TOGARAM1: variants seen among roughly 807,000 people sequenced by gnomAD.
TOGARAM1 encodes the protein TOG array regulator of axonemal microtubules protein 1.
A neutral mutation model predicts 166.6 loss-of-function variants in TOGARAM1; 100 were observed. That is an observed-to-expected ratio of 0.60 (90% CI 0.51 to 0.71). The LOEUF is 0.71. Among genes scored for constraint, TOGARAM1 ranks in the 30% least tolerant of loss-of-function variants. TOGARAM1 has a pLI of 0.00. For synonymous variants in TOGARAM1, 758 were observed against 763.8 expected (o/e 0.99, Z 0.13); for missense variants, 2,029 against 2,102.7 (o/e 0.96, Z 0.69).
At chr14:44,969,163 C>T (rs201587443) in intron 1 of TOGARAM1, among the ~76,000 whole-genome samples, 8 of 123,238 alleles carry the variant, frequency 6.5e-5, no homozygotes, top group African/African-American at 7.8e-5. Context: ...TCTTTCTTTT[C>T]TTTCTTTTCT....
chr14:45,039,304 C>T (rs190000510), intron 11 of TOGARAM1, among the ~76,000 whole-genome samples: 5 of 152,182 alleles, frequency 3.3e-5, no homozygotes, highest in East Asian at 1.9e-4. Context: ...TTGATTGGTC[C>T]GTGGGCAGGC....
intron 1 of TOGARAM1, among the ~76,000 whole-genome samples, chr14:44,987,764 C>A (rs1159596472): frequency 1.3e-5 from 2 of 149,230 alleles, no homozygotes; most frequent in Admixed American, 1.3e-4. Flanking sequence ...GGTATATACC[C>A]AAAGGACTAT....
chr14:45,052,724 T>G (rs1417971544), intron 15 of TOGARAM1, among the ~76,000 whole-genome samples, 162 bp downstream of exon 15: 1 of 152,198 alleles, frequency 6.6e-6, no homozygotes, highest in Non-Finnish European at 1.5e-5. Flanking sequence ...CAATACTAAG[T>G]AGACATACAT....
At chr14:44,982,137 C>G (rs1409950920) in intron 1 of TOGARAM1, among the ~76,000 whole-genome samples, 1 of 152,170 alleles carries the variant, frequency 6.6e-6, no homozygotes, top group African/African-American at 2.4e-5. Context: ...AGCCACTGCA[C>G]CTAGCCTGAA....
intron 7 of TOGARAM1, among the ~76,000 whole-genome samples, chr14:45,019,610 G>A (rs1290154368): frequency 1.3e-5 from 2 of 152,118 alleles, no homozygotes; most frequent in African/African-American, 2.4e-5. Context: ...CTCCTGCTGT[G>A]CTCTCAGGCG....
intron 16 of TOGARAM1, among the ~76,000 whole-genome samples, chr14:45,055,673 G>T (rs565531197): frequency 9.3e-4 from 142 of 151,936 alleles, no homozygotes; most frequent in African/African-American, 3.3e-3. Flanking sequence ...GCATGGTGGA[G>T]GGTGCCTGTA....
rs1882083452 is a variant in TOGARAM1 at position 45,046,687 on chromosome 14, A to G, written c.4297A>G (p.Ser1433Gly). The G allele has an allele frequency of 7.7e-7, 1 of 1,291,760 alleles. No homozygotes were observed. The allele number at this position is 1,291,760 out of a possible 1,614,324, so 80.0% of individuals were successfully genotyped here. The change falls in exon 14 of 20, where the codon AGT becomes GGT. Residue 1433 changes from serine (S) to glycine (G), a missense_variant. By Grantham distance (56) the Ser-to-Gly change is moderately conservative. Around this residue, in one of 2 missense-constraint regions of TOGARAM1, gnomAD observed 576 missense variants for 670.5 expected, o/e 0.86. Coordinates refer to ENST00000361462, the MANE Select transcript of TOGARAM1 (RefSeq NM_001308120.2). ...LPAAAKFAQDSSQETRYYGRK... is the reference protein window; with the variant it reads ...LPAAAKFAQDGSQETRYYGRK... ...AGCTGCTGCTAAGTTTGCTCAAGAC[A>G]GTTCACAAGAAACCAGGTGAATATC...
intron 7 of TOGARAM1, among the ~76,000 whole-genome samples, chr14:45,022,554 G>A (rs1371832442): frequency 6.6e-6 from 1 of 151,480 alleles, no homozygotes; most frequent in African/African-American, 2.4e-5. Flanking sequence ...GTTTGGTGAA[G>A]GGTTTTAAGT....
intron 16 of TOGARAM1, 82 bp downstream of exon 16, chr14:45,054,631 C>T: frequency 9.6e-7 from 1 of 1,038,834 alleles, no homozygotes; most frequent in Non-Finnish European, 1.4e-6. Flanking sequence ...TAAACTACCC[C>T]AGGGGTATTT....
intron 2 of TOGARAM1, among the ~76,000 whole-genome samples, chr14:44,998,956 A>T (rs1263564300): frequency 6.6e-6 from 1 of 152,224 alleles, no homozygotes; most frequent in African/African-American, 2.4e-5. Context: ...GTGAGCCAAG[A>T]TCACACCACT....
chr14:45,060,977 T>C (rs2138992028), intron 16 of TOGARAM1, among the ~76,000 whole-genome samples: 1 of 152,338 alleles, frequency 6.6e-6, no homozygotes, highest in Admixed American at 6.5e-5. Context: ...TTTCTCACCA[T>C]ACATATGCCC....
In TOGARAM1 at chr14:45,071,757, T is replaced by C. The variant is rs113954823; in HGVS notation, c.5015T>C (p.Leu1672Ser). Residue 1672 changes from leucine to serine, a missense_variant, in exon 19 of 20, where the codon TTA becomes TCA. By Grantham distance (145) the Leu-to-Ser change is moderately radical. This residue lies in a region of TOGARAM1 where 576 missense variants were observed against 670.5 expected (regional missense o/e 0.86). Transcript: ENST00000361462. The stretch of plus-strand genomic sequence containing the variant: ...CCATTTTGCACAAAAGCTCAGTTTT[T>C]AAATGGAAAAGCAAAACAGGACATG... ...LQPFCTKAQF[L>S]NGKAKQDMTE... 1.9e-6 allele frequency: 3 copies of C among 1,612,372 alleles called. No individual in the cohort carries two copies. Among genetic ancestry groups the C allele is most frequent in the African/African-American group, 2.7e-5 (2 of 74,968 alleles).
intron 2 of TOGARAM1, 82 bp downstream of exon 2, chr14:44,995,984 C>A: frequency 8.5e-7 from 1 of 1,172,790 alleles, no homozygotes; most frequent in Non-Finnish European, 1.2e-6. Flanking sequence ...ACTCATAGAA[C>A]TTTAATCTAG....
In TOGARAM1 at chr14:45,054,440, G is replaced by A. The variant is rs777926872; in HGVS notation, c.4450G>A (p.Glu1484Lys). 1 of 1,605,120 alleles carries A rather than the reference G, an allele frequency of 6.2e-7. No homozygotes were observed. Among genetic ancestry groups the A allele is most frequent in the East Asian group, 2.2e-5 (1 of 44,664 alleles). The change falls in exon 16 of 20, where the codon GAG becomes AAG. Residue 1484 changes from glutamate (E) to lysine (K), a missense_variant. By Grantham distance (56) the Glu-to-Lys change is moderately conservative (BLOSUM62 1). Around this residue, in one of 2 missense-constraint regions of TOGARAM1, gnomAD observed 576 missense variants for 670.5 expected, o/e 0.86. Coordinates refer to ENST00000361462, the MANE Select transcript of TOGARAM1 (RefSeq NM_001308120.2). ...TTATATTTACTTGCAGGGTTTGGGGGAGATACCATTAGATACTCCTTCAGC... is the reference window on the plus strand; with the variant it reads ...TTATATTTACTTGCAGGGTTTGGGGAAGATACCATTAGATACTCCTTCAGC... The part of the protein sequence containing the change: ...VRNLQQKGLG[E>K]IPLDTPSAKG...
rs1879948368 is a variant in TOGARAM1, at chr14:45,013,733, A to G, written c.3238+1658A>G. On this transcript the variant is annotated intron_variant, in intron 7 of 19. Coordinates refer to ENST00000361462, the MANE Select transcript of TOGARAM1 (RefSeq NM_001308120.2). ...CCTCTAAGGGGAGAGAGTGACCCAA[A>G]GAAATACATAAACTTATCCTTAATC... 3.3e-5 allele frequency among the ~76,000 whole-genome samples: 5 copies of G among 152,310 alleles called. No individual in the cohort carries two copies. The South Asian group carries it at 1.0e-3, about 32-fold the overall frequency.
intron 6 of TOGARAM1, among the ~76,000 whole-genome samples, chr14:45,010,555 T>C (rs1370946377): frequency 2.0e-5 from 3 of 152,214 alleles, no homozygotes; most frequent in African/African-American, 7.2e-5. Context: ...AATTTCATTT[T>C]ATATGATTTG....
chr14:44,987,575 G>GAATTGCCCA (rs1278009145), intron 1 of TOGARAM1, among the ~76,000 whole-genome samples: 1 of 151,684 alleles, frequency 6.6e-6, no homozygotes, highest in Middle Eastern at 3.2e-3. Flanking sequence ...ACACCAGTTA[G>GAATTGCCCA]AATGGCAATC....
chr14:45,054,611 G>T, intron 16 of TOGARAM1, 62 bp downstream of exon 16: 1 of 1,224,190 alleles, frequency 8.2e-7, no homozygotes, highest in South Asian at 1.5e-5. Context: ...GTCTCATTTG[G>T]ATGTTTTCAT....
chr14:44,992,611 C>CTTTTTTTTTT (rs376434047), intron 1 of TOGARAM1, among the ~76,000 whole-genome samples: 3 of 91,308 alleles, frequency 3.3e-5, no homozygotes, highest in African/African-American at 4.9e-5. Context: ...TTTTTGTAAT[C>CTTTTTTTTTT]TTTTTTTTTT....
Sources: gnomAD v4.1 joint callset for allele counts (sites outside exome capture counted in the v4.1 genomes callset) on GRCh38, gnomAD v4.1.1 for gene constraint, gnomAD v4.1.1 regional missense constraint, MANE v1.5 for transcripts, NCBI Gene and HGNC (gene_info 2026-07-23, HGNC 2026-07-21) for gene names.